ABCB1: variants seen among roughly 807,000 people sequenced by gnomAD.
The protein encoded by ABCB1 is ATP-dependent translocase ABCB1.
Under a neutral mutation model 142.0 loss-of-function variants are expected in ABCB1, and 69 were observed. The ratio of observed to expected loss-of-function variants is 0.49; its 90% CI spans 0.40 to 0.59. The LOEUF (loss-of-function observed/expected upper bound fraction) is 0.59, where lower values mean the gene tolerates loss of function less well. ABCB1 is among the 20% of genes least tolerant of loss of function. ABCB1 has a pLI of 0.00. For missense variants in ABCB1, 1,326 were observed against 1,554.7 expected (o/e 0.85, Z 2.47); for synonymous variants, 532 against 539.2 (o/e 0.99, Z 0.18).
At position 87,626,021 on chromosome 7, in the gene ABCB1, T is replaced by TAG. The variant is rs1308496709; in HGVS notation, c.-330-24944_-330-24943insCT. Among the ~76,000 whole-genome samples the TAG allele has an allele frequency of 1.1e-3, 138 of 126,538 alleles. 4 individuals are homozygous for TAG. Among genetic ancestry groups the TAG allele is most frequent in the Middle Eastern group, 4.0e-3 (1 of 250 alleles). The allele number at this position is 126,538 out of a possible 152,430, so 83.0% of individuals were successfully genotyped here. ...ATATGTATATGTACATATATATATA[T>TAG]ATAGAGAGAGAGAGAGAGAGAGAGA... is the stretch of plus-strand genomic sequence containing the variant. On this transcript the variant is annotated intron_variant, in intron 1 of 28. Transcript: ENST00000265724.
At chr7:87,505,626 G>A (rs1814697691) in intron 27 of ABCB1, among the ~76,000 whole-genome samples, 1 of 152,176 alleles carries the variant, frequency 6.6e-6, no homozygotes, top group Non-Finnish European at 1.5e-5. Context: ...GCTGCCAGTA[G>A]AAGTAGGAAA....
intron 1 of ABCB1, among the ~76,000 whole-genome samples, chr7:87,648,556 A>G (rs1053684457): frequency 1.3e-5 from 2 of 152,220 alleles, no homozygotes; most frequent in South Asian, 2.1e-4. Flanking sequence ...GGCTTACACT[A>G]TATCTTAAGT....
intron 1 of ABCB1, among the ~76,000 whole-genome samples, chr7:87,703,497 C>T (rs374472635): frequency 6.6e-6 from 1 of 152,114 alleles, no homozygotes; most frequent in Non-Finnish European, 1.5e-5. Flanking sequence ...ATAAAGTTCA[C>T]TTGTTAAAGC....
chr7:87,640,905 A>G (rs1035794011), intron 1 of ABCB1, among the ~76,000 whole-genome samples: 1 of 152,198 alleles, frequency 6.6e-6, no homozygotes, highest in African/African-American at 2.4e-5. Flanking sequence ...CTCTGATTTT[A>G]AAAACCTGTC....
intron 1 of ABCB1, among the ~76,000 whole-genome samples, chr7:87,631,648 C>A (rs1177560953): frequency 6.6e-6 from 1 of 152,230 alleles, no homozygotes; most frequent in African/African-American, 2.4e-5. Context: ...CCGCCTCGGC[C>A]TCCCAAAGTG....
intron 1 of ABCB1, among the ~76,000 whole-genome samples, chr7:87,685,059 T>C (rs1827321771): frequency 6.6e-6 from 1 of 152,046 alleles, no homozygotes; most frequent in South Asian, 2.1e-4. Flanking sequence ...ACAACAAAAG[T>C]ACAATCCATT....
chr7:87,576,074 AC>A (rs2129870841), intron 4 of ABCB1, among the ~76,000 whole-genome samples: 1 of 152,238 alleles, frequency 6.6e-6, no homozygotes, highest in East Asian at 1.9e-4. Flanking sequence ...CTTTTCACCT[AC>A]AAAATTCTAT....
Position 87,538,993 on chromosome 7 carries a change from C to T in ABCB1, c.2397+275G>A, listed in dbSNP as rs113125420. 7.0e-4 allele frequency among the ~76,000 whole-genome samples: 107 copies of T among 152,312 alleles called. 1 individual carries two copies. The highest frequency in any genetic ancestry group is 9.1e-4 in the Non-Finnish European group (62 of 68,030). On this transcript the variant is annotated intron_variant, in intron 19 of 27. Coordinates refer to ENST00000622132, the MANE Select transcript of ABCB1 (RefSeq NM_001348946.2). ...GTATCAAAGATGCCTTCTGCCTGCA[C>T]TGCCCACCACTGCTGAGACACAGGC...
At chr7:87,600,424 C>A (rs558671580) in intron 1 of ABCB1, among the ~76,000 whole-genome samples, 1 of 152,324 alleles carries the variant, frequency 6.6e-6, no homozygotes, top group Admixed American at 6.5e-5. Flanking sequence ...GGACTTTGCC[C>A]GCCGCCAGTG....
chr7:87,582,510 T>C (rs1437945427), intron 4 of ABCB1, among the ~76,000 whole-genome samples: 1 of 152,342 alleles, frequency 6.6e-6, no homozygotes, highest in East Asian at 1.9e-4. Context: ...GCACACAGAA[T>C]GCTCTAATAC....
chr7:87,526,499 A>G (rs1007261004), intron 21 of ABCB1, among the ~76,000 whole-genome samples: 1 of 151,832 alleles, frequency 6.6e-6, no homozygotes, highest in Non-Finnish European at 1.5e-5. Context: ...CAGGCAACAC[A>G]GTGAGACCTC....
chr7:87,616,908 G>C (rs1335041558), intron 1 of ABCB1, among the ~76,000 whole-genome samples: 1 of 152,128 alleles, frequency 6.6e-6, no homozygotes, highest in Admixed American at 6.5e-5. Context: ...AGGGCAGCTA[G>C]AATTGGTCTG....
intron 18 of ABCB1, 122 bp from the exon 19 acceptor site, chr7:87,539,467 G>C (rs1423426303): frequency 1.0e-6 from 1 of 1,002,938 alleles, no homozygotes; most frequent in Non-Finnish European, 1.5e-6. Flanking sequence ...TCAAGGGCTT[G>C]CTATGTTTCT....
In ABCB1 at chr7:87,549,938, G is replaced by T. The variant is rs1399302922; in HGVS notation, c.1467C>A (p.Arg489=). 6.2e-7 allele frequency: 1 copy of T among 1,614,180 alleles called. No individual in the cohort carries two copies. The highest frequency in any genetic ancestry group is 1.3e-5 in the African/African-American group (1 of 75,048). ...CCATGGTGACATTTTCACGGCCATAGCGAATGTTTTCAGCTATCGTGGTGG... is the reference window on the plus strand; with the variant it reads ...CCATGGTGACATTTTCACGGCCATATCGAATGTTTTCAGCTATCGTGGTGG... ...LFATTIAENI[R]YGRENVTMDE... is the part of the protein sequence containing the mutation. Residue 489 remains arginine, a synonymous_variant, in exon 13 of 28, where the codon CGC becomes CGA. Transcript: ENST00000622132.
intron 23 of ABCB1, among the ~76,000 whole-genome samples, chr7:87,517,454 A>G (rs1815302724): frequency 6.6e-6 from 1 of 152,112 alleles, no homozygotes; most frequent in Non-Finnish European, 1.5e-5. Context: ...AGCTGTCTGA[A>G]TCCCAACCAA....
chr7:87,526,746 C>T (rs548272364), intron 21 of ABCB1, among the ~76,000 whole-genome samples: 4 of 152,056 alleles, frequency 2.6e-5, no homozygotes, highest in Non-Finnish European at 4.4e-5. Flanking sequence ...GTAACCAATC[C>T]GGAAAAAGTG....
intron 1 of ABCB1, among the ~76,000 whole-genome samples, chr7:87,691,665 T>G (rs1336591221): frequency 6.6e-6 from 1 of 152,172 alleles, no homozygotes; most frequent in Non-Finnish European, 1.5e-5. Context: ...TCCTAAGGAT[T>G]TACGTTTTAT....
chr7:87,570,020 T>C, intron 5 of ABCB1, 152 bp downstream of exon 5: 1 of 709,910 alleles, frequency 1.4e-6, no homozygotes, highest in Non-Finnish European at 2.4e-6. Context: ...CAGCCAATTC[T>C]TTTCTTAAAA....
chr7:87,506,390 G>A (rs1456263167), intron 26 of ABCB1, among the ~76,000 whole-genome samples: 1 of 152,114 alleles, frequency 6.6e-6, no homozygotes, highest in Admixed American at 6.5e-5. Flanking sequence ...TTTGAACAAA[G>A]TATTCATAAT....
Sources: gnomAD v4.1 joint callset for allele counts (sites outside exome capture counted in the v4.1 genomes callset) on GRCh38, gnomAD v4.1.1 for gene constraint, MANE v1.5 for transcripts, NCBI Gene and HGNC (gene_info 2026-07-23, HGNC 2026-07-21) for gene names.